PLEK: variants seen among roughly 807,000 people sequenced by gnomAD.
PLEK encodes the protein platelet 47 kDa protein.
Under a neutral mutation model 43.9 loss-of-function variants are expected in PLEK, and 25 were observed. The ratio of observed to expected loss-of-function variants is 0.57; its 90% CI spans 0.41 to 0.79. The LOEUF (loss-of-function observed/expected upper bound fraction) is 0.79, where lower values mean the gene tolerates loss of function less well. PLEK is among the 30% of genes least tolerant of loss of function. PLEK has a pLI of 0.00. For synonymous variants in PLEK, 152 were observed against 144.4 expected (o/e 1.05, Z -0.38); for missense variants, 396 against 413.3 (o/e 0.96, Z 0.36).
chr2:68,375,689 C>T (rs1030868983), intron 1 of PLEK, among the ~76,000 whole-genome samples: 31 of 152,124 alleles, frequency 2.0e-4, no homozygotes, highest in African/African-American at 6.3e-4. Context: ...TCAACTGGAC[C>T]TTTATATAGA....
At chr2:68,391,711 C>T (rs1211111339) in intron 6 of PLEK, among the ~76,000 whole-genome samples, 1 of 152,196 alleles carries the variant, frequency 6.6e-6, no homozygotes, top group African/African-American at 2.4e-5. Flanking sequence ...GCTTTCAGCA[C>T]AAGTAAAATG....
rs376776666 is a variant in PLEK at position 68,386,702 on chromosome 2, C to T, written c.657+16C>T. On this transcript the variant is annotated intron_variant, in intron 5 of 8. Transcript: ENST00000234313. ...CTACTACTTTGTAAGAAAAGCTCCC[C>T]ATCTCTTCTTCCTGTAAGGGAGGCT... is the stretch of plus-strand genomic sequence containing the variant. The T allele has an allele frequency of 7.6e-5, 122 of 1,598,502 alleles. 1 individual carries two copies. In the African/African-American group the frequency reaches 1.4e-3, roughly 18 times the overall value.
chr2:68,375,351 A>G (rs1370523163), intron 1 of PLEK, among the ~76,000 whole-genome samples: 1 of 152,198 alleles, frequency 6.6e-6, no homozygotes, highest in Non-Finnish European at 1.5e-5. Flanking sequence ...CCTGCTCGAT[A>G]CTTTTTGCTC....
intron 1 of PLEK, among the ~76,000 whole-genome samples, chr2:68,376,718 A>G (rs1368369974): frequency 6.6e-6 from 1 of 152,212 alleles, no homozygotes; most frequent in African/African-American, 2.4e-5. Context: ...TAATAACACC[A>G]TGGAGAATGG....
chr2:68,388,447 G>C lies in PLEK; in HGVS notation c.718G>C (p.Glu240Gln). The C allele has an allele frequency of 6.2e-7, 1 of 1,609,972 alleles. No homozygotes were observed. Among genetic ancestry groups the C allele is most frequent in the Non-Finnish European group, 8.5e-7 (1 of 1,176,224 alleles). Residue 240 changes from glutamate to glutamine, a missense_variant, in exon 6 of 9, where the codon GAA (glutamate) becomes CAA (glutamine). Glu to Gln is a conservative substitution (Grantham distance 29). Transcript: ENST00000234313. ...SSDDDVILKE[E>Q]FRGVIIKQGC... ...TGATGATGATGTGATTCTGAAAGAA[G>C]AATTCAGAGGGGTCATTATCAAGCA...
intron 3 of PLEK, among the ~76,000 whole-genome samples, chr2:68,381,318 G>T (rs1673610077): frequency 6.6e-6 from 1 of 152,190 alleles, no homozygotes; most frequent in South Asian, 2.1e-4. Flanking sequence ...GGAAGGGCCA[G>T]CCAGGGTAAA....
chr2:68,371,790 G>A (rs891818565), intron 1 of PLEK, among the ~76,000 whole-genome samples: 1 of 133,416 alleles, frequency 7.5e-6, no homozygotes, highest in South Asian at 2.9e-4. Flanking sequence ...CAACCACAAC[G>A]AGTTTAGTTT....
intron 6 of PLEK, among the ~76,000 whole-genome samples, chr2:68,392,174 C>CCTTCTTCTTCTTCTTCTTCTT (rs376729611): frequency 1.2e-4 from 18 of 149,390 alleles, no homozygotes; most frequent in African/African-American, 4.3e-4. Flanking sequence ...TCCTCCTCCT[C>CCTTCTTCTTCTTCTTCTTCTT]CTTCTTCTTC....
chr2:68,365,522 C>A, intron 1 of PLEK, 129 bp downstream of exon 1: 5 of 736,874 alleles, frequency 6.8e-6, no homozygotes, highest in East Asian at 2.7e-5. Context: ...AATAGGGGAG[C>A]GTGGTAGCAC....
intron 1 of PLEK, 148 bp downstream of exon 1, chr2:68,365,541 T>C (rs1673252170): frequency 1.5e-6 from 1 of 668,890 alleles, no homozygotes; most frequent in East Asian, 2.8e-5. Flanking sequence ...ACATAGAATG[T>C]TGGAGTGGGG....
At position 68,396,684 on chromosome 2, in the gene PLEK, G is replaced by A. The variant is rs776709436; in HGVS notation, c.*868G>A. ...ATTAGGAGGGGGACCCCACATCTGT[G>A]AGATTCTGTTTCATTTGAGGTTTAC... On this transcript the variant is annotated 3_prime_UTR_variant, in exon 9 of 9. Transcript: ENST00000234313. The A allele has an allele frequency of 2.7e-5, 4 of 150,030 alleles. No individual in the cohort carries two copies. Among genetic ancestry groups the A allele is most frequent in the Non-Finnish European group, 5.9e-5 (4 of 67,620 alleles). 9.3% of individuals were successfully genotyped at this position (150,030 alleles called of 1,614,324 possible). A position where few individuals can be genotyped will look rare whatever the true frequency, so the allele number is the denominator to read the frequency against.
chr2:68,379,827 A>G (rs1284732588), intron 1 of PLEK, among the ~76,000 whole-genome samples: 2 of 152,236 alleles, frequency 1.3e-5, no homozygotes, highest in African/African-American at 2.4e-5. Flanking sequence ...CTGTGTGCTC[A>G]GTATCATGAA....
chr2:68,373,807 T>C (rs772346765), intron 1 of PLEK, among the ~76,000 whole-genome samples: 7 of 152,202 alleles, frequency 4.6e-5, no homozygotes, highest in Non-Finnish European at 7.4e-5. Flanking sequence ...GTGCAACTTT[T>C]CATTTCTAGC....
chr2:68,391,485 T>C (rs906286795), intron 6 of PLEK, among the ~76,000 whole-genome samples: 1 of 152,226 alleles, frequency 6.6e-6, no homozygotes, highest in East Asian at 1.9e-4. Context: ...AAAAGCCATT[T>C]TGGACATGAT....
chr2:68,367,366 A>G (rs1673299986), intron 1 of PLEK, among the ~76,000 whole-genome samples: 1 of 151,884 alleles, frequency 6.6e-6, no homozygotes, highest in African/African-American at 2.4e-5. Context: ...TCATTTTGTT[A>G]CCTAAGTACT....
intron 1 of PLEK, among the ~76,000 whole-genome samples, chr2:68,369,943 G>A (rs906603951): frequency 6.6e-6 from 1 of 151,298 alleles, no homozygotes; most frequent in Non-Finnish European, 1.5e-5. Context: ...GAATAGACTA[G>A]TTCCTTTGCC....
At chr2:68,391,612 A>G (rs72894202) in intron 6 of PLEK, among the ~76,000 whole-genome samples, 29,031 of 152,142 alleles carry the variant, frequency 0.19, 3,414 homozygotes, top group African/African-American at 0.34. Context: ...GTTTTGCCAA[A>G]AAACTTAGGC....
intron 1 of PLEK, among the ~76,000 whole-genome samples, chr2:68,379,610 C>G (rs72824996): frequency 6.6e-6 from 1 of 152,010 alleles, no homozygotes; most frequent in Non-Finnish European, 1.5e-5. Flanking sequence ...GAGAATGTTT[C>G]TGTGAGGTGG....
intron 1 of PLEK, among the ~76,000 whole-genome samples, chr2:68,369,912 T>G (rs1162304542): frequency 6.6e-6 from 1 of 152,240 alleles, no homozygotes; most frequent in East Asian, 1.9e-4. Context: ...AAGAGTTCAC[T>G]TATGTAAAAA....
Sources: allele counts gnomAD v4.1 joint callset (sites outside exome capture counted in the v4.1 genomes callset), GRCh38; gene constraint gnomAD v4.1.1; transcripts MANE v1.5; gene names NCBI Gene and HGNC (gene_info 2026-07-23, HGNC 2026-07-21).